Variants in PTPRD observed in about 807,000 individuals in gnomAD.
The protein encoded by PTPRD is receptor-type tyrosine-protein phosphatase delta.
A neutral mutation model predicts 214.5 loss-of-function variants in PTPRD; 34 were observed. The observed-to-expected ratio is 0.16, with a 90% CI of 0.12 to 0.21. The LOEUF is 0.21. Ranked by LOEUF, PTPRD falls within the 10% of genes least tolerant of loss-of-function variation. The pLI is 1.00. For synonymous variants in PTPRD, 1,128 were observed against 845.7 expected, an observed-to-expected ratio of 1.33 and a Z score of -5.79; for missense variants, 2,545 against 2,398.7, an observed-to-expected ratio of 1.06 and a Z score of -1.27.
At chr9:9,517,786 A>G (rs2096872867) in intron 8 of PTPRD, among the ~76,000 whole-genome samples, 1 of 152,074 alleles carries the variant, frequency 6.6e-6, no homozygotes, top group Non-Finnish European at 1.5e-5. Context: ...ATTTTAACAC[A>G]TATGACCCTA....
intron 11 of PTPRD, among the ~76,000 whole-genome samples, chr9:8,777,281 T>C (rs1454566897): frequency 1.3e-5 from 2 of 152,124 alleles, no homozygotes. Context: ...TAAACTAGTA[T>C]GCTTAAGAAT....
intron 9 of PTPRD, among the ~76,000 whole-genome samples, chr9:9,357,414 G>C (rs1357085552): frequency 2.0e-5 from 3 of 149,420 alleles, no homozygotes; most frequent in African/African-American, 7.6e-5. Flanking sequence ...ATGACCTTTT[G>C]TCACATGGAG....
chr9:9,274,406 A>G (rs1944162907), intron 9 of PTPRD, among the ~76,000 whole-genome samples: 2 of 151,344 alleles, frequency 1.3e-5, no homozygotes, highest in Admixed American at 1.3e-4. Context: ...ATAAATAGAT[A>G]CTCAACCAAT....
intron 8 of PTPRD, among the ~76,000 whole-genome samples, chr9:9,503,286 T>G (rs1415913126): frequency 2.6e-5 from 4 of 150,966 alleles, no homozygotes; most frequent in Admixed American, 2.0e-4. Flanking sequence ...AAAAAAAGTT[T>G]TTTTTTTTTA....
intron 11 of PTPRD, among the ~76,000 whole-genome samples, chr9:8,756,889 C>T (rs1245488552): frequency 1.3e-5 from 2 of 152,002 alleles, no homozygotes; most frequent in African/African-American, 4.8e-5. Context: ...GCATGTAATC[C>T]CAGCACCTTG....
intron 8 of PTPRD, among the ~76,000 whole-genome samples, chr9:9,438,214 G>A (rs1291302998): frequency 1.3e-5 from 2 of 152,090 alleles, no homozygotes; most frequent in Non-Finnish European, 2.9e-5. Flanking sequence ...TTAAAAGTTA[G>A]GATTACAACA....
At position 10,302,334 on chromosome 9, in the gene PTPRD, G is replaced by A. The variant is rs1032921824; in HGVS notation, c.-545+38629C>T. On this transcript the variant is annotated intron_variant, in intron 3 of 45. Transcript: ENST00000381196. ...AACATACCAAATTGTAAAGACCATC[G>A]ACACTATGAAGAAACTACATCAACT... Among the ~76,000 whole-genome samples the A allele has an allele frequency of 4.6e-4, 70 of 152,088 alleles. 1 individual carries two copies. The highest frequency in any genetic ancestry group is 2.1e-4 in the South Asian group (1 of 4,816).
chr9:10,505,713 C>G (rs1157063740), intron 2 of PTPRD, among the ~76,000 whole-genome samples: 1 of 151,642 alleles, frequency 6.6e-6, no homozygotes, highest in Non-Finnish European at 1.5e-5. Flanking sequence ...GCAGATTAAA[C>G]CCAGCTATAG....
intron 9 of PTPRD, among the ~76,000 whole-genome samples, chr9:9,183,655 T>G (rs16929035): frequency 0.024 from 3,584 of 152,130 alleles, 161 homozygotes; most frequent in African/African-American, 0.083. Flanking sequence ...ATAAAATGGC[T>G]AAATTGCCTT....
intron 5 of PTPRD, among the ~76,000 whole-genome samples, chr9:9,815,011 C>T (rs1480197951): frequency 1.3e-5 from 2 of 151,940 alleles, no homozygotes; most frequent in African/African-American, 2.4e-5. Context: ...CTTCACCCAC[C>T]TCAGCCTCCC....
intron 7 of PTPRD, among the ~76,000 whole-genome samples, chr9:9,633,754 C>A (rs565258255): frequency 2.6e-5 from 4 of 152,102 alleles, no homozygotes; most frequent in Admixed American, 2.6e-4. Flanking sequence ...CTACACTAAT[C>A]GCAAACATAT....
rs962270449 is a variant in PTPRD, at chr9:9,177,697, A to T, written c.-143+5607T>A. ...AAATTGTTAATGCTTAATCCTATCA[A>T]TCTTGACTTGAAAATGATGGATGTA... is the stretch of plus-strand genomic sequence containing the variant. On this transcript the variant is annotated intron_variant, in intron 10 of 45. Transcript: ENST00000381196. Among the ~76,000 whole-genome samples, 3 of 152,242 alleles carry T rather than the reference A, an allele frequency of 2.0e-5. No individual in the cohort carries two copies. In the East Asian group the frequency reaches 5.8e-4, roughly 29 times the overall value.
intron 3 of PTPRD, among the ~76,000 whole-genome samples, chr9:10,269,618 G>T (rs1254789755): frequency 6.6e-6 from 1 of 151,974 alleles, no homozygotes; most frequent in African/African-American, 2.4e-5. Context: ...TTTAACATTG[G>T]TGAAGGTGGG....
chr9:8,688,768 G>A (rs931139858), intron 12 of PTPRD, among the ~76,000 whole-genome samples: 1 of 152,072 alleles, frequency 6.6e-6, no homozygotes, highest in Non-Finnish European at 1.5e-5. Context: ...ATAGTCAAAT[G>A]AGGTTATAGG....
chr9:9,240,462 G>A (rs751456986), intron 9 of PTPRD, among the ~76,000 whole-genome samples: 1 of 152,126 alleles, frequency 6.6e-6, no homozygotes, highest in Non-Finnish European at 1.5e-5. Context: ...CATGAGGTCA[G>A]GAGTTCAAGA....
chr9:9,768,761 T>C (rs2098727223), intron 5 of PTPRD, among the ~76,000 whole-genome samples: 1 of 152,036 alleles, frequency 6.6e-6, no homozygotes, highest in Admixed American at 6.6e-5. Context: ...AAAACAAAAG[T>C]ATGGGGTAAA....
chr9:8,890,592 T>C (rs1301220237), intron 11 of PTPRD, among the ~76,000 whole-genome samples: 1 of 152,252 alleles, frequency 6.6e-6, no homozygotes, highest in East Asian at 1.9e-4. Flanking sequence ...AAGATCTTTA[T>C]TTTAATGTAC....
chr9:10,225,938 C>G lies in PTPRD; in HGVS notation c.-545+115025G>C, dbSNP rs117761865. The stretch of plus-strand genomic sequence containing the variant: ...AGAAGAATAACAACTTTATTGAGAA[C>G]TTATTTTACCTTATGCCAGACCTTA... On this transcript the variant is annotated intron_variant, in intron 3 of 45. Coordinates refer to ENST00000381196, the MANE Select transcript of PTPRD (RefSeq NM_002839.4). Among the ~76,000 whole-genome samples, 5 of 152,110 alleles carry G rather than the reference C, an allele frequency of 3.3e-5. No individual in the cohort carries two copies. In the East Asian group the frequency reaches 9.7e-4, roughly 30 times the overall value.
intron 2 of PTPRD, among the ~76,000 whole-genome samples, chr9:10,460,019 A>C (rs1413802485): frequency 1.3e-5 from 2 of 152,054 alleles, no homozygotes; most frequent in African/African-American, 4.8e-5. Flanking sequence ...TACATTCATA[A>C]TGTTGTGTAG....
Sources: gnomAD v4.1 joint callset for allele counts (sites outside exome capture counted in the v4.1 genomes callset) on GRCh38, gnomAD v4.1.1 for gene constraint, MANE v1.5 for transcripts, NCBI Gene and HGNC (gene_info 2026-07-23, HGNC 2026-07-21) for gene names.